The following LHFPL3 variants were observed in gnomAD, a reference collection of about 807,000 sequenced individuals.
LHFPL3 encodes the protein LHFPL tetraspan subfamily member 3 protein.
A neutral mutation model predicts 19.3 loss-of-function variants in LHFPL3; 5 were observed. The ratio of observed to expected loss-of-function variants is 0.26; its 90% CI spans 0.14 to 0.54. LHFPL3 has a LOEUF of 0.54. LHFPL3 is among the 20% of genes least tolerant of loss of function. The pLI is 0.94. For missense variants in LHFPL3, 249 were observed against 307.4 expected, an observed-to-expected ratio of 0.81 and a Z score of 1.42; for synonymous variants, 133 against 126.2, an observed-to-expected ratio of 1.05 and a Z score of -0.36.
chr7:104,736,870 A>G lies in LHFPL3; in HGVS notation c.641A>G (p.Gln214Arg). The G allele has an allele frequency of 6.2e-7, 1 of 1,611,142 alleles. No homozygotes were observed. Among genetic ancestry groups the G allele is most frequent in the South Asian group, 1.1e-5 (1 of 90,298 alleles). The change falls in exon 2 of 3, where the codon CAA (glutamine) becomes CGA (arginine). Residue 214 changes from glutamine (Q) to arginine (R), a missense_variant. Transcript: ENST00000424859. Reference protein sequence around the residue: ...SFLAFVLGNRQDSLMAEELKA... With the variant: ...SFLAFVLGNRRDSLMAEELKA... The stretch of plus-strand genomic sequence containing the variant: ...CTAGCATTTGTGCTTGGTAATCGAC[A>G]AGACAGCTTGATGGCAGAGGAACTG...
intron 1 of LHFPL3, among the ~76,000 whole-genome samples, chr7:104,356,248 A>C (rs373944134): frequency 1.3e-5 from 2 of 152,236 alleles, no homozygotes; most frequent in Non-Finnish European, 2.9e-5. Context: ...AGTAGAGTAG[A>C]TAAAAGAACC....
intron 1 of LHFPL3, among the ~76,000 whole-genome samples, chr7:104,497,436 A>G (rs1793505755): frequency 6.6e-6 from 1 of 151,992 alleles, no homozygotes; most frequent in Non-Finnish European, 1.5e-5. Flanking sequence ...GTGAGGGGAT[A>G]TATGCAGTAA....
chr7:104,405,414 C>T (rs1240107204), intron 1 of LHFPL3, among the ~76,000 whole-genome samples: 4 of 152,142 alleles, frequency 2.6e-5, no homozygotes. Flanking sequence ...TATCAGATGG[C>T]TGGCAAAGTA....
intron 2 of LHFPL3, among the ~76,000 whole-genome samples, chr7:104,757,183 C>T (rs1311101667): frequency 6.6e-6 from 1 of 152,200 alleles, no homozygotes; most frequent in East Asian, 1.9e-4. Context: ...GGACCCTTAT[C>T]TTCCACCATA....
Position 104,698,423 on chromosome 7 carries a change from A to G in LHFPL3, c.446-38252A>G, listed in dbSNP as rs543563317. On this transcript the variant is annotated intron_variant, in intron 1 of 2. Coordinates refer to ENST00000424859, the MANE Select transcript of LHFPL3 (RefSeq NM_199000.3). Reference sequence around the variant, plus strand: ...GGTTTCAGTCAAAGTTTAAAATCCTATAAGGAACAAAAGCACAGACAATAA... The same window carrying G: ...GGTTTCAGTCAAAGTTTAAAATCCTGTAAGGAACAAAAGCACAGACAATAA... Among the ~76,000 whole-genome samples the G allele has an allele frequency of 2.8e-3, 432 of 152,344 alleles. 2 individuals carry two copies. The highest frequency in any genetic ancestry group is 4.7e-3 in the Admixed American group (72 of 15,306).
chr7:104,875,017 A>AT (rs34860948), intron 2 of LHFPL3, among the ~76,000 whole-genome samples: 10,657 of 142,058 alleles, frequency 0.075, 844 homozygotes, highest in East Asian at 0.44. Context: ...TGGGGAATGT[A>AT]TTTTTTTTTT....
intron 1 of LHFPL3, among the ~76,000 whole-genome samples, chr7:104,546,149 C>T (rs1289780466): frequency 6.6e-6 from 1 of 152,134 alleles, no homozygotes; most frequent in Non-Finnish European, 1.5e-5. Flanking sequence ...AATAGTTTAA[C>T]TAACTTTCTG....
intron 1 of LHFPL3, among the ~76,000 whole-genome samples, chr7:104,716,005 G>A (rs1484224985): frequency 2.0e-5 from 3 of 152,150 alleles, no homozygotes; most frequent in Non-Finnish European, 4.4e-5. Flanking sequence ...ATTCACCACT[G>A]AACTGTAAGT....
chr7:104,379,571 C>T lies in LHFPL3; in HGVS notation c.445+50347C>T, dbSNP rs141993310. Among the ~76,000 whole-genome samples, 19 of 152,232 alleles carry T rather than the reference C, an allele frequency of 1.2e-4. No individual in the cohort carries two copies. In the East Asian group the frequency reaches 3.7e-3, roughly 29 times the overall value. ...AGTCAATTATTTAAATTGTTCCAAGCTGGCAATAAGGAGCAGGATGTCTGA... is the reference window on the plus strand; with the variant it reads ...AGTCAATTATTTAAATTGTTCCAAGTTGGCAATAAGGAGCAGGATGTCTGA... On this transcript the variant is annotated intron_variant, in intron 1 of 2. Transcript: ENST00000424859.
At chr7:104,585,271 C>A (rs1400855233) in intron 1 of LHFPL3, among the ~76,000 whole-genome samples, 2 of 152,008 alleles carry the variant, frequency 1.3e-5, no homozygotes, top group African/African-American at 2.4e-5. Flanking sequence ...AAGGACTCTA[C>A]CCAAGAAAAC....
At chr7:104,532,017 T>C (rs1473537025) in intron 1 of LHFPL3, among the ~76,000 whole-genome samples, 1 of 152,210 alleles carries the variant, frequency 6.6e-6, no homozygotes, top group Non-Finnish European at 1.5e-5. Context: ...CTGCTACTTA[T>C]TGTTGCTGCC....
At chr7:104,552,368 T>C (rs1794677103) in intron 1 of LHFPL3, among the ~76,000 whole-genome samples, 1 of 152,162 alleles carries the variant, frequency 6.6e-6, no homozygotes, top group African/African-American at 2.4e-5. Flanking sequence ...CTTCCTGACT[T>C]ATTACTATAG....
intron 2 of LHFPL3, among the ~76,000 whole-genome samples, chr7:104,845,119 C>T (rs1489583557): frequency 6.6e-6 from 1 of 152,164 alleles, no homozygotes; most frequent in East Asian, 1.9e-4. Flanking sequence ...GCCCGTTTTA[C>T]GTTAGGAAAC....
intron 1 of LHFPL3, among the ~76,000 whole-genome samples, chr7:104,454,522 T>A (rs1349143313): frequency 2.0e-5 from 3 of 152,134 alleles, no homozygotes; most frequent in African/African-American, 7.2e-5. Context: ...TGTGTAATAT[T>A]AGGAAGAGCC....
At chr7:104,816,402 G>A (rs1790561297) in intron 2 of LHFPL3, among the ~76,000 whole-genome samples, 1 of 152,174 alleles carries the variant, frequency 6.6e-6, no homozygotes, top group Admixed American at 6.5e-5. Flanking sequence ...TCCTGAGATT[G>A]CTTCATAAAA....
intron 1 of LHFPL3, among the ~76,000 whole-genome samples, chr7:104,561,047 T>C (rs532727359): frequency 1.1e-4 from 16 of 151,996 alleles, no homozygotes; most frequent in Admixed American, 6.5e-4. Context: ...GTCTGAGAGA[T>C]AGTTTGTTAT....
chr7:104,556,233 G>A (rs1042076963), intron 1 of LHFPL3, among the ~76,000 whole-genome samples: 1 of 152,230 alleles, frequency 6.6e-6, no homozygotes, highest in Non-Finnish European at 1.5e-5. Flanking sequence ...TAAGGAATCT[G>A]TGGGGGAGCT....
chr7:104,374,779 G>A (rs1790678087), intron 1 of LHFPL3, among the ~76,000 whole-genome samples: 1 of 152,182 alleles, frequency 6.6e-6, no homozygotes, highest in Admixed American at 6.5e-5. Context: ...AGAAGTGTGA[G>A]TTCCTCCACC....
At chr7:104,486,076 T>A (rs142761442) in intron 1 of LHFPL3, among the ~76,000 whole-genome samples, 9 of 152,352 alleles carry the variant, frequency 5.9e-5, no homozygotes, top group Admixed American at 4.6e-4. Flanking sequence ...ATTGAGTTCA[T>A]AATTCTGAGT....
Sources: gnomAD v4.1 joint callset for allele counts (sites outside exome capture counted in the v4.1 genomes callset) on GRCh38, gnomAD v4.1.1 for gene constraint, MANE v1.5 for transcripts, NCBI Gene and HGNC (gene_info 2026-07-23, HGNC 2026-07-21) for gene names.